WDR26: variants seen among roughly 807,000 people sequenced by gnomAD.
WDR26 encodes WD repeat-containing protein 26.
WDR26 carries 5 observed loss-of-function variants against 84.1 expected under a neutral mutation model. That is an observed-to-expected ratio of 0.06 (90% CI 0.03 to 0.13). The LOEUF is 0.13. WDR26 is among the 10% of genes least tolerant of loss of function. WDR26 has a pLI of 1.00. For synonymous variants in WDR26, 415 were observed against 389.6 expected (o/e 1.07, Z -0.77); for missense variants, 642 against 974.9 (o/e 0.66, Z 4.55).
intron 6 of WDR26, among the ~76,000 whole-genome samples, chr1:224,415,559 C>T (rs1673876772): frequency 7.0e-6 from 1 of 143,092 alleles, no homozygotes; most frequent in African/African-American, 2.6e-5. Context: ...CTCCCAGGTT[C>T]AAGTGATTCT....
intron 5 of WDR26, among the ~76,000 whole-genome samples, chr1:224,418,873 C>A (rs1034661290): frequency 2.6e-5 from 4 of 152,164 alleles, no homozygotes; most frequent in African/African-American, 9.7e-5. Flanking sequence ...TGGCTAAGAT[C>A]AAGTACAAAT....
chr1:224,415,875 T>TA (rs1212931559), intron 6 of WDR26, among the ~76,000 whole-genome samples: 1 of 152,176 alleles, frequency 6.6e-6, no homozygotes, highest in African/African-American at 2.4e-5. Context: ...CAAAGTAAAG[T>TA]AGTACAGTGC....
In WDR26 at chr1:224,433,695, G is replaced by A. The variant is rs1356928275; in HGVS notation, c.711C>T (p.Gly237=). ...TAAGGGATACTTACTTGAGCCCTAA[G>A]CCATTCAAGTGCTGTCCTATTAGCC... is the stretch of plus-strand genomic sequence containing the variant. The change falls in exon 1 of 14, where the codon GGC becomes GGT. Residue 237 remains glycine, a synonymous_variant. Transcript: ENST00000414423. 7 of 1,393,568 alleles carry A rather than the reference G, an allele frequency of 5.0e-6. No homozygotes were observed. The highest frequency in any genetic ancestry group is 6.6e-6 in the Non-Finnish European group (7 of 1,056,166). The allele number at this position is 1,393,568 out of a possible 1,614,324, so 86.3% of individuals were successfully genotyped here.
Position 224,387,333 on chromosome 1 carries a change from C to T in WDR26, c.*2502G>A, listed in dbSNP as rs983759886. ...CTAGGCTTCTTTACCATTGATTTCA[C>T]CTTTCGAGCACAGTCACTGCATGGC... On this transcript the variant is annotated 3_prime_UTR_variant, in exon 14 of 14. Coordinates refer to ENST00000414423, the MANE Select transcript of WDR26 (RefSeq NM_001379403.1). 1.3e-5 allele frequency: 2 copies of T among 152,674 alleles called. No homozygotes were observed. Among genetic ancestry groups the T allele is most frequent in the East Asian group, 1.9e-4 (1 of 5,190 alleles). 9.5% of individuals were successfully genotyped at this position (152,674 alleles called of 1,614,324 possible).
rs2102932217 is a variant in WDR26, at chr1:224,434,603, C to A, written c.-198G>T. ...CCCCTCCCGGAGGCAGCTCGGGGTGCGCGGCCCGGGGGTCGCGCCGGGGGG... is the reference window on the plus strand; with the variant it reads ...CCCCTCCCGGAGGCAGCTCGGGGTGAGCGGCCCGGGGGTCGCGCCGGGGGG... On this transcript the variant is annotated 5_prime_UTR_variant, in exon 1 of 14. Transcript: ENST00000414423. 1 of 503,328 alleles carries A rather than the reference C, an allele frequency of 2.0e-6. No individual in the cohort carries two copies. The highest frequency in any genetic ancestry group is 2.5e-6 in the Non-Finnish European group (1 of 395,412). 31.2% of individuals were successfully genotyped at this position (503,328 alleles called of 1,614,324 possible).
At position 224,389,372 on chromosome 1, in the gene WDR26, CAAAA is replaced by C. The variant is rs1673062913; in HGVS notation, c.*459_*462del. ...AATAAGGCGGAAAGATTTGGAGAAA[CAAAA>C]GAAGGAAATTCTTTCCTATCCAATG... On this transcript the variant is annotated 3_prime_UTR_variant, in exon 14 of 14. Transcript: ENST00000414423. The C allele has an allele frequency of 6.9e-6, 2 of 289,058 alleles. No individual in the cohort carries two copies. Among genetic ancestry groups the C allele is most frequent in the Non-Finnish European group, 1.3e-5 (2 of 158,316 alleles). The allele number at this position is 289,058 out of a possible 1,614,324, so 17.9% of individuals were successfully genotyped here. A position where few individuals can be genotyped will look rare whatever the true frequency, so the allele number is the denominator to read the frequency against.
In WDR26 at chr1:224,401,206, CAA is replaced by C. The variant is rs113989579; in HGVS notation, c.1600-139_1600-138del. On this transcript the variant is annotated intron_variant, in intron 8 of 13. Transcript: ENST00000414423. Reference sequence around the variant, plus strand: ...TAGAGTAATGAATTAAGTGACCCTACAAAAAAGAGACAACAGCACTCAGAAGA... The same window carrying C: ...TAGAGTAATGAATTAAGTGACCCTACAAAAGAGACAACAGCACTCAGAAGA... 0.027 allele frequency: 21,948 copies of C among 812,824 alleles called. 2,898 individuals are homozygous for C. In the African/African-American group the frequency reaches 0.31, roughly 12 times the overall value. The allele number at this position is 812,824 out of a possible 1,614,324, so 50.4% of individuals were successfully genotyped here. A position where few individuals can be genotyped will look rare whatever the true frequency, so the allele number is the denominator to read the frequency against.
chr1:224,433,615 T>TCCCCCCCCCCCCCCCCCCC, intron 1 of WDR26, 69 bp downstream of exon 1: 1 of 368,588 alleles, frequency 2.7e-6, no homozygotes, highest in Non-Finnish European at 3.5e-6. Context: ...CCTCCGCCCC[T>TCCCCCCCCCCCCCCCCCCC]TCCCCTACCC....
At chr1:224,399,704 T>C (rs1425512736) in intron 9 of WDR26, among the ~76,000 whole-genome samples, 2 of 152,206 alleles carry the variant, frequency 1.3e-5, no homozygotes, top group African/African-American at 2.4e-5. Flanking sequence ...CATAACCATA[T>C]TGAGATAATA....
chr1:224,403,694 T>C (rs942941964), intron 8 of WDR26, among the ~76,000 whole-genome samples: 1 of 152,208 alleles, frequency 6.6e-6, no homozygotes, highest in African/African-American at 2.4e-5. Flanking sequence ...CCTAACACTT[T>C]GGGAGGCCGA....
intron 6 of WDR26, among the ~76,000 whole-genome samples, chr1:224,418,057 C>A (rs1206343646): frequency 6.6e-6 from 1 of 151,754 alleles, no homozygotes; most frequent in African/African-American, 2.4e-5. Context: ...GGCTTCCCAA[C>A]TTCAGTTCTC....
At chr1:224,414,701 C>A (rs1333283936) in intron 6 of WDR26, among the ~76,000 whole-genome samples, 3 of 151,738 alleles carry the variant, frequency 2.0e-5, no homozygotes, top group Non-Finnish European at 4.4e-5. Flanking sequence ...AGGTTCAGAC[C>A]CAGCATGGTT....
chr1:224,414,482 G>GAATAATTTTAATCAA (rs1316498835), intron 6 of WDR26, among the ~76,000 whole-genome samples: 5 of 152,092 alleles, frequency 3.3e-5, no homozygotes, highest in African/African-American at 1.2e-4. Context: ...ATTTTAATCA[G>GAATAATTTTAATCAA]AATAATTTTA....
chr1:224,413,852 C>G (rs1673811239), intron 6 of WDR26, among the ~76,000 whole-genome samples: 1 of 152,108 alleles, frequency 6.6e-6, no homozygotes, highest in African/African-American at 2.4e-5. Flanking sequence ...CTCTGTTGTT[C>G]AGGATGGAGT....
At chr1:224,398,795 A>C in intron 10 of WDR26, 94 bp downstream of exon 10, 1 of 1,508,722 alleles carries the variant, frequency 6.6e-7, no homozygotes, top group Non-Finnish European at 9.0e-7. Context: ...GCAAACCAAA[A>C]CGAAAAACAT....
chr1:224,427,104 CA>C (rs1331410813), intron 3 of WDR26, among the ~76,000 whole-genome samples: 43 of 125,906 alleles, frequency 3.4e-4, no homozygotes, highest in African/African-American at 1.4e-3. Flanking sequence ...ACTCTGTCTC[CA>C]AAAAAAAAAA....
chr1:224,413,716 T>C (rs1393466315), intron 6 of WDR26, among the ~76,000 whole-genome samples: 1 of 152,214 alleles, frequency 6.6e-6, no homozygotes, highest in Non-Finnish European at 1.5e-5. Flanking sequence ...CAAATACCAT[T>C]TTAAAATCAT....
intron 6 of WDR26, chr1:224,413,094 C>T (rs115471257): frequency 0.064 from 12,149 of 190,062 alleles, 542 homozygotes; most frequent in Admixed American, 0.099. Context: ...GAAGCTGAGG[C>T]AGGAGAATCG....
intron 9 of WDR26, among the ~76,000 whole-genome samples, chr1:224,400,570 A>T (rs1298413983): frequency 6.6e-6 from 1 of 152,160 alleles, no homozygotes; most frequent in Non-Finnish European, 1.5e-5. Context: ...TTTGAGACAG[A>T]GTTTCACTCT....
Sources: gnomAD v4.1 joint callset for allele counts (sites outside exome capture counted in the v4.1 genomes callset) on GRCh38, gnomAD v4.1.1 for gene constraint, MANE v1.5 for transcripts, NCBI Gene and HGNC (gene_info 2026-07-23, HGNC 2026-07-21) for gene names.